Variants in TMEM163 observed in about 807,000 individuals in gnomAD.
TMEM163 encodes the protein transmembrane protein 163.
A neutral mutation model predicts 29.3 loss-of-function variants in TMEM163; 17 were observed. The ratio of observed to expected loss-of-function variants is 0.58; its 90% CI spans 0.40 to 0.87. TMEM163 has a LOEUF of 0.87. Among genes scored for constraint, TMEM163 ranks in the 40% least tolerant of loss-of-function variants. The pLI, the probability that TMEM163 is intolerant of heterozygous loss-of-function variation, is 0.00. For missense variants in TMEM163, 303 were observed against 381.5 expected (o/e 0.79, Z 1.71); for synonymous variants, 157 against 160.6 (o/e 0.98, Z 0.17).
intron 2 of TMEM163, among the ~76,000 whole-genome samples, chr2:134,577,133 G>T (rs965745123): frequency 1.3e-5 from 2 of 152,030 alleles, no homozygotes; most frequent in African/African-American, 4.8e-5. Flanking sequence ...ACTTAATTAG[G>T]GTACCTGCCA....
chr2:134,651,288 TG>T (rs1357827270), intron 2 of TMEM163, among the ~76,000 whole-genome samples: 1 of 138,470 alleles, frequency 7.2e-6, no homozygotes, highest in African/African-American at 3.1e-5. Flanking sequence ...ATTTCTCTGA[TG>T]GCCAGTGATG....
intron 2 of TMEM163, among the ~76,000 whole-genome samples, chr2:134,643,754 C>T (rs951804438): frequency 5.3e-5 from 8 of 151,138 alleles, no homozygotes; most frequent in African/African-American, 1.9e-4. Flanking sequence ...TTCAACATGA[C>T]ACTAAAAGCC....
At chr2:134,512,167 T>G (rs1388649333) in intron 4 of TMEM163, among the ~76,000 whole-genome samples, 1 of 152,174 alleles carries the variant, frequency 6.6e-6, no homozygotes, top group Non-Finnish European at 1.5e-5. Flanking sequence ...CACAAAAATA[T>G]TCCTAGAGGC....
In TMEM163 at chr2:134,661,519, C is replaced by G. The variant is rs143968916; in HGVS notation, c.322+51681G>C. Among the ~76,000 whole-genome samples the G allele has an allele frequency of 1.2e-4, 19 of 152,336 alleles. No individual in the cohort carries two copies. In the East Asian group the frequency reaches 3.7e-3, roughly 29 times the overall value. Reference sequence around the variant, plus strand: ...AGCACCATTACGAAGTGTTTCTTTACAGCAAGTCCAGATGAAGATCGTGCA... The same window carrying G: ...AGCACCATTACGAAGTGTTTCTTTAGAGCAAGTCCAGATGAAGATCGTGCA... On this transcript the variant is annotated intron_variant, in intron 2 of 7. Coordinates refer to ENST00000281924, the MANE Select transcript of TMEM163 (RefSeq NM_030923.5).
chr2:134,541,566 A>G (rs1680668903), intron 4 of TMEM163, among the ~76,000 whole-genome samples: 1 of 152,264 alleles, frequency 6.6e-6, no homozygotes, highest in Non-Finnish European at 1.5e-5. Context: ...GAAATAACCC[A>G]TGTCTTCAGC....
In TMEM163 at chr2:134,489,061, C is replaced by T. The variant is rs562079136; in HGVS notation, c.555+13840G>A. ...TAAAATGAAACATGGGCATAGTCTACGATCCAAAATCCATGTTTACCCTAG... is the reference window on the plus strand; with the variant it reads ...TAAAATGAAACATGGGCATAGTCTATGATCCAAAATCCATGTTTACCCTAG... On this transcript the variant is annotated intron_variant, in intron 5 of 7. Coordinates refer to ENST00000281924, the MANE Select transcript of TMEM163 (RefSeq NM_030923.5). 1.3e-4 allele frequency among the ~76,000 whole-genome samples: 20 copies of T among 152,214 alleles called. 1 individual carries two copies. The highest frequency in any genetic ancestry group is 6.8e-3 in the Middle Eastern group (2 of 294).
chr2:134,574,729 T>A (rs1188440552), intron 2 of TMEM163, among the ~76,000 whole-genome samples: 1 of 152,144 alleles, frequency 6.6e-6, no homozygotes, highest in Non-Finnish European at 1.5e-5. Flanking sequence ...GTTAGCTCAT[T>A]AACAGGATCC....
chr2:134,574,114 G>T (rs1257571539), intron 2 of TMEM163, among the ~76,000 whole-genome samples: 7 of 152,216 alleles, frequency 4.6e-5, no homozygotes, highest in Non-Finnish European at 7.3e-5. Flanking sequence ...GAATAAGAAA[G>T]AAAACTCATA....
chr2:134,478,359 G>A lies in TMEM163; in HGVS notation c.556-12134C>T, dbSNP rs547138233. ...GGAGAAGACTAGAAGGGAAAGTTTGGAATTTCTTAGAGACTGTTAAATAGT... is the reference window on the plus strand; with the variant it reads ...GGAGAAGACTAGAAGGGAAAGTTTGAAATTTCTTAGAGACTGTTAAATAGT... On this transcript the variant is annotated intron_variant, in intron 5 of 7. Transcript: ENST00000281924. 8.5e-5 allele frequency among the ~76,000 whole-genome samples: 13 copies of A among 152,320 alleles called. No homozygotes were observed. The South Asian group carries it at 2.3e-3, about 27-fold the overall frequency.
chr2:134,557,893 G>A (rs1287767835), intron 2 of TMEM163, among the ~76,000 whole-genome samples: 1 of 152,146 alleles, frequency 6.6e-6, no homozygotes, highest in Non-Finnish European at 1.5e-5. Flanking sequence ...TTGCCAGACT[G>A]TCCCCAGCTT....
chr2:134,548,352 A>G (rs571409913), intron 4 of TMEM163, among the ~76,000 whole-genome samples: 1 of 152,350 alleles, frequency 6.6e-6, no homozygotes. Context: ...TGTATTTTAT[A>G]CTTACAACAC....
intron 2 of TMEM163, among the ~76,000 whole-genome samples, chr2:134,685,724 A>G (rs1008320918): frequency 1.3e-5 from 2 of 152,204 alleles, no homozygotes; most frequent in Non-Finnish European, 1.5e-5. Context: ...CACCAAAACT[A>G]AGAATTCTCT....
intron 2 of TMEM163, among the ~76,000 whole-genome samples, chr2:134,592,320 A>G (rs974846029): frequency 1.3e-5 from 2 of 152,168 alleles, no homozygotes; most frequent in Non-Finnish European, 2.9e-5. Context: ...GATCCATGAA[A>G]AGCCTGGCTG....
chr2:134,459,249 TG>T (rs1329274897), intron 6 of TMEM163: 4 of 152,236 alleles, frequency 2.6e-5, no homozygotes, highest in African/African-American at 4.8e-5. Context: ...AGGGATGCAA[TG>T]GCCGCTCACA....
chr2:134,703,029 C>T (rs1684736007), intron 2 of TMEM163, among the ~76,000 whole-genome samples: 1 of 152,164 alleles, frequency 6.6e-6, no homozygotes, highest in African/African-American at 2.4e-5. Flanking sequence ...AGCTGTCAAT[C>T]CAGTGTCAGG....
intron 5 of TMEM163, among the ~76,000 whole-genome samples, chr2:134,500,789 T>C (rs1679680812): frequency 6.6e-6 from 1 of 151,304 alleles, no homozygotes; most frequent in Non-Finnish European, 1.5e-5. Flanking sequence ...TGTGTAAGAG[T>C]AAAAAGTAAA....
At chr2:134,649,442 T>C (rs1683416046) in intron 2 of TMEM163, among the ~76,000 whole-genome samples, 1 of 152,192 alleles carries the variant, frequency 6.6e-6, no homozygotes, top group Non-Finnish European at 1.5e-5. Context: ...AATAGTGCAA[T>C]GTAGCCCATT....
intron 2 of TMEM163, among the ~76,000 whole-genome samples, chr2:134,635,282 T>C (rs1472956728): frequency 6.6e-6 from 1 of 152,198 alleles, no homozygotes; most frequent in Non-Finnish European, 1.5e-5. Flanking sequence ...TTGTTCCCAA[T>C]GCTCAGTAGA....
intron 5 of TMEM163, among the ~76,000 whole-genome samples, chr2:134,477,812 C>A (rs1186976446): frequency 6.6e-6 from 1 of 152,110 alleles, no homozygotes; most frequent in East Asian, 1.9e-4. Flanking sequence ...CTTTTCTGTC[C>A]CTCCCATCCC....
Sources: gnomAD v4.1 joint callset for allele counts (sites outside exome capture counted in the v4.1 genomes callset) on GRCh38, gnomAD v4.1.1 for gene constraint, MANE v1.5 for transcripts, NCBI Gene and HGNC (gene_info 2026-07-23, HGNC 2026-07-21) for gene names.